SLC9A7: variants seen among roughly 807,000 people sequenced by gnomAD.
SLC9A7 encodes solute carrier family 9 member A7, also known as sodium/hydrogen exchanger 7.
Under a neutral mutation model 52.6 loss-of-function variants are expected in SLC9A7, and 19 were observed. That is an observed-to-expected ratio of 0.36 (90% CI 0.25 to 0.53). SLC9A7 has a LOEUF of 0.53. Among genes scored for constraint, SLC9A7 ranks in the 20% least tolerant of loss-of-function variants. The probability of loss-of-function intolerance (pLI) is 0.91; values close to 1 mark genes in which losing one functional copy is unlikely to be tolerated. For synonymous variants in SLC9A7, 226 were observed against 252.1 expected (o/e 0.90, Z 0.98); for missense variants, 455 against 597.9 (o/e 0.76, Z 2.49).
At chrX:46,665,692 CA>C (rs1415916179) in intron 5 of SLC9A7, among the ~76,000 whole-genome samples, 2 of 110,544 alleles carry the variant, frequency 1.8e-5, no homozygotes, top group African/African-American at 6.6e-5. Context: ...GTCATTTCCC[CA>C]ATTTTAATTC....
intron 7 of SLC9A7, among the ~76,000 whole-genome samples, chrX:46,659,955 C>T (rs1485241730): frequency 9.0e-6 from 1 of 110,884 alleles, no homozygotes; most frequent in African/African-American, 3.3e-5. Context: ...CATCACGCTA[C>T]CTGACTTCAA....
chrX:46,730,774 A>G (rs1945026468), intron 1 of SLC9A7, among the ~76,000 whole-genome samples: 1 of 97,469 alleles, frequency 1.0e-5, no homozygotes, highest in Non-Finnish European at 2.1e-5. Context: ...GAATAAACTT[A>G]GGAAATGTAC....
chrX:46,652,284 G>A (rs1943595822), intron 8 of SLC9A7, among the ~76,000 whole-genome samples: 1 of 111,092 alleles, frequency 9.0e-6, no homozygotes, highest in African/African-American at 3.3e-5. Context: ...CTGAATAGCT[G>A]GGACTACAGA....
chrX:46,662,271 G>T, intron 6 of SLC9A7, 114 bp from the exon 7 acceptor site: 1 of 745,111 alleles, frequency 1.3e-6, no homozygotes, highest in Non-Finnish European at 1.9e-6. Flanking sequence ...ATTGGCCAGG[G>T]TAAATTCATT....
chrX:46,670,620 T>C (rs764574194), intron 4 of SLC9A7, among the ~76,000 whole-genome samples: 1 of 111,401 alleles, frequency 9.0e-6, no homozygotes, highest in African/African-American at 3.3e-5. Context: ...GCTCTAATAA[T>C]GAGATTCTTG....
rs1942672759 is a variant in SLC9A7, at chrX:46,602,306, C to T, written c.*4646G>A. On this transcript the variant is annotated 3_prime_UTR_variant, in exon 17 of 17. Transcript: ENST00000616978. ...TAGCATCAAACTCTCTCACAGCTGC[C>T]CTGTCTGTATTACTGATCAATACTC... 1 of 111,907 alleles carries T rather than the reference C, an allele frequency of 8.9e-6. No homozygotes were observed. Among genetic ancestry groups the T allele is most frequent in the South Asian group, 3.7e-4 (1 of 2,690 alleles). 9.2% of individuals were successfully genotyped at this position (111,907 alleles called of 1,213,427 possible).
In SLC9A7 at chrX:46,651,229, C is replaced by A. The variant is rs200538023; in HGVS notation, c.1237-6G>T. On this transcript the variant is annotated splice_polypyrimidine_tract_variant and splice_region_variant and intron_variant, in intron 9 of 16. Coordinates refer to ENST00000616978, the MANE Select transcript of SLC9A7 (RefSeq NM_001257291.2). ...AAATGTAACACCTCAAAGAGCTGCACAGAGAAGGGAAAAGGAAGCTGTAAC... is the reference window on the plus strand; with the variant it reads ...AAATGTAACACCTCAAAGAGCTGCAAAGAGAAGGGAAAAGGAAGCTGTAAC... 2.5e-6 allele frequency: 3 copies of A among 1,190,421 alleles called. No individual in the cohort carries two copies. The highest frequency in any genetic ancestry group is 3.4e-6 in the Non-Finnish European group (3 of 877,331).
At chrX:46,716,713 C>T (rs1305204900) in intron 1 of SLC9A7, among the ~76,000 whole-genome samples, 3 of 112,297 alleles carry the variant, frequency 2.7e-5, no homozygotes, top group Admixed American at 9.4e-5. Flanking sequence ...CAAGAAGGGA[C>T]GATTCTGATA....
intron 1 of SLC9A7, among the ~76,000 whole-genome samples, chrX:46,707,784 G>A (rs1011654707): frequency 4.5e-5 from 5 of 112,245 alleles, no homozygotes; most frequent in Non-Finnish European, 9.4e-5. Flanking sequence ...CTGTCGTCCA[G>A]GCTGGAGTGC....
intron 5 of SLC9A7, among the ~76,000 whole-genome samples, chrX:46,666,863 C>A (rs770346042): frequency 2.7e-4 from 30 of 112,065 alleles, no homozygotes; most frequent in Non-Finnish European, 4.5e-4. Flanking sequence ...CTTAGAAACA[C>A]ATTTTCGGAC....
At chrX:46,633,995 G>A (rs1249428136) in intron 13 of SLC9A7, among the ~76,000 whole-genome samples, 1 of 111,695 alleles carries the variant, frequency 9.0e-6, no homozygotes, top group Admixed American at 9.4e-5. Flanking sequence ...TTAATTGCAG[G>A]TTTAAAGCCT....
intron 12 of SLC9A7, among the ~76,000 whole-genome samples, chrX:46,641,871 C>T (rs1335009042): frequency 2.7e-5 from 3 of 111,978 alleles, no homozygotes; most frequent in African/African-American, 9.8e-5. Context: ...AGATAATAGT[C>T]CTATCTCCCT....
Position 46,599,879 on chromosome X carries a change from C to A in SLC9A7, c.*7073G>T, listed in dbSNP as rs1007652504. The A allele has an allele frequency of 8.9e-6, 1 of 112,337 alleles. No homozygotes were observed. Among genetic ancestry groups the A allele is most frequent in the African/African-American group, 3.2e-5 (1 of 30,932 alleles). The allele number at this position is 112,337 out of a possible 1,213,427, so 9.3% of individuals were successfully genotyped here. On this transcript the variant is annotated 3_prime_UTR_variant, in exon 17 of 17. Transcript: ENST00000616978. ...TAAAAAGTTCCCTAGAAGGTCACAT[C>A]ATTCCATGTTAAATTCGTCCTATTC...
Position 46,637,682 on chromosome X carries a change from G to A in SLC9A7, c.1617-2034C>T, listed in dbSNP as rs145885905. ...CACAATGTGGTCAGGACACACACAG[G>A]CTCATCAGGCAAAATAATCCCACCA... On this transcript the variant is annotated intron_variant, in intron 12 of 16. Transcript: ENST00000616978. 3.2e-3 allele frequency among the ~76,000 whole-genome samples: 361 copies of A among 111,839 alleles called. 2 individuals carry two copies. The highest frequency in any genetic ancestry group is 0.011 in the African/African-American group (348 of 30,804).
chrX:46,750,175 CG>C (rs1336012490), intron 1 of SLC9A7, among the ~76,000 whole-genome samples: 1 of 111,188 alleles, frequency 9.0e-6, no homozygotes, highest in Non-Finnish European at 1.9e-5. Flanking sequence ...TGGTAATGGG[CG>C]GGATTCAGGT....
intron 1 of SLC9A7, among the ~76,000 whole-genome samples, chrX:46,752,650 G>A (rs193214267): frequency 9.0e-6 from 1 of 111,126 alleles, no homozygotes; most frequent in African/African-American, 3.3e-5. Flanking sequence ...ATACAGGAAG[G>A]ATACTACATA....
chrX:46,642,093 GC>G (rs1943415056), intron 12 of SLC9A7, among the ~76,000 whole-genome samples: 1 of 111,941 alleles, frequency 8.9e-6, no homozygotes, highest in African/African-American at 3.3e-5. Context: ...AGAAGTGGCA[GC>G]CCAGGAATCT....
At chrX:46,678,590 C>T (rs1415962522) in intron 3 of SLC9A7, among the ~76,000 whole-genome samples, 3 of 108,909 alleles carry the variant, frequency 2.8e-5, no homozygotes, top group Non-Finnish European at 5.7e-5. Context: ...GCATGTACCA[C>T]CATGCCCAGC....
intron 2 of SLC9A7, among the ~76,000 whole-genome samples, chrX:46,680,419 C>G (rs1403858468): frequency 1.8e-5 from 2 of 110,732 alleles, no homozygotes; most frequent in Admixed American, 9.6e-5. Context: ...AAGATGCCGT[C>G]GTGATTCTTT....
Sources: gnomAD v4.1 joint callset for allele counts (sites outside exome capture counted in the v4.1 genomes callset) on GRCh38, gnomAD v4.1.1 for gene constraint, MANE v1.5 for transcripts, NCBI Gene and HGNC (gene_info 2026-07-23, HGNC 2026-07-21) for gene names.